ADAMTS2: variants seen among roughly 807,000 people sequenced by gnomAD.
ADAMTS2 encodes the protein A disintegrin and metalloproteinase with thrombospondin motifs 2.
Under a neutral mutation model 123.0 loss-of-function variants are expected in ADAMTS2, and 50 were observed. That is an observed-to-expected ratio of 0.41 (90% CI 0.32 to 0.51). The LOEUF (loss-of-function observed/expected upper bound fraction) is 0.51. ADAMTS2 is among the 20% of genes least tolerant of loss of function. The pLI is 0.35. For synonymous variants in ADAMTS2, 678 were observed against 695.4 expected (o/e 0.98, Z 0.39); for missense variants, 1,494 against 1,705.2 (o/e 0.88, Z 2.18).
chr5:179,207,494 CCTCAG>C lies in ADAMTS2; in HGVS notation c.891+14_891+18del. On this transcript the variant is annotated intron_variant, in intron 4 of 21. Coordinates refer to ENST00000251582, the MANE Select transcript of ADAMTS2 (RefSeq NM_014244.5). ...TGACCCTCCCCGCCCCACCCTGCCCCCTCAGCCACCCCACTCACAATGTTCATGAG... is the reference window on the plus strand; with the variant it reads ...TGACCCTCCCCGCCCCACCCTGCCCCCCACCCCACTCACAATGTTCATGAG... 1 of 1,555,506 alleles carries C rather than the reference CCTCAG, an allele frequency of 6.4e-7. No homozygotes were observed. The highest frequency in any genetic ancestry group is 8.8e-7 in the Non-Finnish European group (1 of 1,130,276).
chr5:179,289,066 A>C (rs1425147214), intron 2 of ADAMTS2, among the ~76,000 whole-genome samples: 1 of 152,050 alleles, frequency 6.6e-6, no homozygotes, highest in Non-Finnish European at 1.5e-5. Flanking sequence ...CTTCCCCGAG[A>C]GCAGGCTGCA....
rs201744179 is a variant in ADAMTS2, at chr5:179,170,687, A to G, written c.975+10385T>C. Reference sequence around the variant, plus strand: ...AGTCCCCATCCTGGCTGCTCCATCCATGGTCCCCTATTGCCTGCCACCCTG... The same window carrying G: ...AGTCCCCATCCTGGCTGCTCCATCCGTGGTCCCCTATTGCCTGCCACCCTG... On this transcript the variant is annotated intron_variant, in intron 5 of 21. Transcript: ENST00000251582. This position sits in a 1 kb window ranked among gnomAD's most constrained non-coding sequence, Gnocchi z 4.3. Among the ~76,000 whole-genome samples the G allele has an allele frequency of 1.2e-4, 18 of 152,154 alleles. No individual in the cohort carries two copies. The East Asian group carries it at 3.3e-3, about 28-fold the overall frequency.
intron 4 of ADAMTS2, among the ~76,000 whole-genome samples, chr5:179,182,122 C>T (rs950427050): frequency 1.3e-5 from 2 of 152,216 alleles, no homozygotes; most frequent in African/African-American, 4.8e-5. Context: ...AGGCCTGAGC[C>T]GCCCCTCATC....
chr5:179,173,228 T>C (rs920169778), intron 5 of ADAMTS2, among the ~76,000 whole-genome samples: 3 of 149,502 alleles, frequency 2.0e-5, no homozygotes. Context: ...ATAATAATAA[T>C]AATAATAATA....
At chr5:179,283,549 C>CAAAAAAAAAAAAAAAAAAAAAAAAACAA (rs3986816) in intron 2 of ADAMTS2, among the ~76,000 whole-genome samples, 1 of 51,342 alleles carries the variant, frequency 1.9e-5, no homozygotes, top group Non-Finnish European at 3.4e-5. Context: ...AGAAAAACAG[C>CAAAAAAAAAAAAAAAAAAAAAAAAACAA]AAAAAAAAAA....
intron 13 of ADAMTS2, among the ~76,000 whole-genome samples, chr5:179,134,041 G>T (rs1763011234): frequency 6.6e-6 from 1 of 152,100 alleles, no homozygotes. Flanking sequence ...CATGTCAGGA[G>T]TGACGTGATA....
chr5:179,294,988 G>A (rs1243070236), intron 2 of ADAMTS2, among the ~76,000 whole-genome samples: 1 of 152,170 alleles, frequency 6.6e-6, no homozygotes, highest in African/African-American at 2.4e-5. Context: ...CTAGGCGAAC[G>A]GGCCTGTGGG....
rs1756177689 is a variant in ADAMTS2 at position 179,291,176 on chromosome 5, A to T, written c.535-18112T>A. Among the ~76,000 whole-genome samples the T allele has an allele frequency of 2.0e-5, 3 of 152,352 alleles. No individual in the cohort carries two copies. In the South Asian group the frequency reaches 6.2e-4, roughly 32 times the overall value. On this transcript the variant is annotated intron_variant, in intron 2 of 21. Transcript: ENST00000251582. ...GGTTTTGAGGATTCCCACTCACATC[A>T]GACAGAATGAGTGCGGGGCTCTGGG...
intron 4 of ADAMTS2, among the ~76,000 whole-genome samples, chr5:179,205,615 A>G (rs1338084681): frequency 6.6e-6 from 1 of 152,222 alleles, no homozygotes; most frequent in Non-Finnish European, 1.5e-5. Context: ...CATATTGTGA[A>G]GGCAGCCAAG....
At chr5:179,123,012 C>CAT (rs1762791311) in intron 19 of ADAMTS2, among the ~76,000 whole-genome samples, 1 of 152,262 alleles carries the variant, frequency 6.6e-6, no homozygotes, top group South Asian at 2.1e-4. Context: ...AGACAGTGCC[C>CAT]ATATACAGAC....
chr5:179,218,408 G>A (rs1765051589), intron 3 of ADAMTS2, among the ~76,000 whole-genome samples: 1 of 152,234 alleles, frequency 6.6e-6, no homozygotes, highest in Non-Finnish European at 1.5e-5. Context: ...ACAGCAGAAA[G>A]CCCTGCTTGG....
chr5:179,320,873 T>A (rs1243740028), intron 2 of ADAMTS2, among the ~76,000 whole-genome samples: 1 of 152,080 alleles, frequency 6.6e-6, no homozygotes, highest in African/African-American at 2.4e-5. Flanking sequence ...GAGGAGGTAA[T>A]GCAGCAGCTG....
Position 179,207,514 on chromosome 5 carries a change from A to G in ADAMTS2, c.890T>C (p.Ile297Thr). 6.3e-7 allele frequency: 1 copy of G among 1,587,084 alleles called. No individual in the cohort carries two copies. Among genetic ancestry groups the G allele is most frequent in the Non-Finnish European group, 8.6e-7 (1 of 1,164,320 alleles). The change falls in exon 4 of 22, where the codon ATT (isoleucine) becomes ACT (threonine). Residue 297 changes from isoleucine (I) to threonine (T), a missense_variant and splice_region_variant. Around this residue, in one of 6 missense-constraint regions of ADAMTS2, gnomAD observed 70 missense variants for 85.3 expected, o/e 0.82. Coordinates refer to ENST00000251582, the MANE Select transcript of ADAMTS2 (RefSeq NM_014244.5). ...TGCCCCCTCAGCCACCCCACTCACA[A>G]TGTTCATGAGTGTCAGCAGGTACTT... ...VQKYLLTLMN[I>T]VNEIYHDESL...
At chr5:179,230,445 G>A (rs1288967590) in intron 3 of ADAMTS2, among the ~76,000 whole-genome samples, 1 of 152,190 alleles carries the variant, frequency 6.6e-6, no homozygotes, top group Non-Finnish European at 1.5e-5. Context: ...GCTGATGCCA[G>A]GGCAAGACCC....
chr5:179,266,541 G>A (rs1561658004), intron 3 of ADAMTS2, among the ~76,000 whole-genome samples: 2 of 152,206 alleles, frequency 1.3e-5, no homozygotes, highest in Admixed American at 1.3e-4. Flanking sequence ...AGCCCTGCCA[G>A]CACCTTGATC....
intron 2 of ADAMTS2, among the ~76,000 whole-genome samples, chr5:179,288,090 C>T (rs1479801227): frequency 6.6e-6 from 1 of 152,250 alleles, no homozygotes; most frequent in Non-Finnish European, 1.5e-5. Flanking sequence ...CAGAGGACCC[C>T]CCCTTTCACT....
In ADAMTS2 at chr5:179,185,570, C is replaced by T. The variant is rs543561883; in HGVS notation, c.892-4415G>A. ...AGAAGGAATCTTGTGTCCTTCTGAA[C>T]ATTGAGCAGATCTAATCCTGCTCCC... On this transcript the variant is annotated intron_variant, in intron 4 of 21. Coordinates refer to ENST00000251582, the MANE Select transcript of ADAMTS2 (RefSeq NM_014244.5). This position sits in a 1 kb window ranked among gnomAD's most constrained non-coding sequence, Gnocchi z 5.9. Among the ~76,000 whole-genome samples, 5 of 152,268 alleles carry T rather than the reference C, an allele frequency of 3.3e-5. No homozygotes were observed. Among genetic ancestry groups the T allele is most frequent in the South Asian group, 4.1e-4 (2 of 4,828 alleles).
Position 179,154,892 on chromosome 5 carries a change from T to C in ADAMTS2, c.1160A>G (p.His387Arg). ...GTTCAGGGTGCAGCTGCGGACCGGA[T>C]GGCACATGCCGGTGACAGGAGCATA... ...QGYAPVTGMC[H>R]PVRSCTLNHE... Residue 387 changes from histidine to arginine, a missense_variant, in exon 7 of 22, where the codon CAT becomes CGT. His to Arg is a conservative substitution (Grantham distance 29). Transcript: ENST00000251582. 1 of 1,613,584 alleles carries C rather than the reference T, an allele frequency of 6.2e-7. No homozygotes were observed. The highest frequency in any genetic ancestry group is 8.5e-7 in the Non-Finnish European group (1 of 1,179,942).
At chr5:179,187,839 G>A (rs1159045282) in intron 4 of ADAMTS2, among the ~76,000 whole-genome samples, 1 of 152,254 alleles carries the variant, frequency 6.6e-6, no homozygotes, top group African/African-American at 2.4e-5. Flanking sequence ...GAAACACATT[G>A]TAATGCGCCT....
Sources: gnomAD v4.1 joint callset for allele counts (sites outside exome capture counted in the v4.1 genomes callset) on GRCh38, gnomAD v4.1.1 for gene constraint, gnomAD v4.1.1 regional missense constraint, Gnocchi (gnomAD v3.1) non-coding constraint, MANE v1.5 for transcripts, NCBI Gene and HGNC (gene_info 2026-07-23, HGNC 2026-07-21) for gene names.